MARCHF1: variants seen among roughly 807,000 people sequenced by gnomAD.
MARCHF1 encodes E3 ubiquitin-protein ligase MARCHF1.
MARCHF1 carries 40 observed loss-of-function variants against 54.2 expected under a neutral mutation model. The observed-to-expected ratio is 0.74, with a 90% confidence interval of 0.57 to 0.96. The LOEUF is 0.96. Ranked by LOEUF, MARCHF1 falls within the 40% of genes least tolerant of loss-of-function variation. MARCHF1 has a pLI of 0.00. For missense variants in MARCHF1, 586 were observed against 656.5 expected, an observed-to-expected ratio of 0.89 and a Z score of 1.17; for synonymous variants, 236 against 236.3, an observed-to-expected ratio of 1.00 and a Z score of 0.01.
chr4:163,755,576 G>T (rs1360779497), intron 4 of MARCHF1, among the ~76,000 whole-genome samples: 2 of 150,922 alleles, frequency 1.3e-5, no homozygotes, highest in East Asian at 1.9e-4. Flanking sequence ...ATTTTGGACA[G>T]ATCATGCAGG....
chr4:164,251,400 G>A (rs1189184088), intron 1 of MARCHF1, among the ~76,000 whole-genome samples: 5 of 152,082 alleles, frequency 3.3e-5, no homozygotes, highest in African/African-American at 7.2e-5. Context: ...CAATGCTTGC[G>A]TGTAATGAAA....
intron 1 of MARCHF1, among the ~76,000 whole-genome samples, chr4:164,230,150 C>A (rs1231312155): frequency 1.3e-5 from 2 of 152,130 alleles, no homozygotes; most frequent in African/African-American, 4.8e-5. Flanking sequence ...AATCCCAGCA[C>A]TTTGGGAGGC....
At chr4:164,093,421 A>T (rs1437708109) in intron 2 of MARCHF1, among the ~76,000 whole-genome samples, 1 of 152,186 alleles carries the variant, frequency 6.6e-6, no homozygotes, top group Non-Finnish European at 1.5e-5. Flanking sequence ...GAATTTACAC[A>T]TGGACAGAAG....
At chr4:163,688,895 T>C (rs1036619717) in intron 5 of MARCHF1, among the ~76,000 whole-genome samples, 4 of 152,132 alleles carry the variant, frequency 2.6e-5, no homozygotes, top group African/African-American at 9.7e-5. Context: ...ATAAATGAAA[T>C]GGAATCAGTC....
At position 164,176,960 on chromosome 4, in the gene MARCHF1, CTCTCTCTCTCTCTCTCT is replaced by C. The variant is rs1372458033; in HGVS notation, c.-322-65315_-322-65299del. ...TTGTGCGCTCTCTCTCTCTCTCTCT[CTCTCTCTCTCTCTCTCT>C]CTCTATATATATATATATATATATA... On this transcript the variant is annotated intron_variant, in intron 1 of 9. Coordinates refer to ENST00000514618, the MANE Select transcript of MARCHF1 (RefSeq NM_001394959.1). Among the ~76,000 whole-genome samples the C allele has an allele frequency of 4.8e-4, 23 of 47,840 alleles. 1 individual carries two copies. Among genetic ancestry groups the C allele is most frequent in the South Asian group, 1.0e-3 (1 of 968 alleles). The allele number at this position is 47,840 out of a possible 152,430, so 31.4% of individuals were successfully genotyped here.
intron 2 of MARCHF1, among the ~76,000 whole-genome samples, chr4:164,038,047 T>A (rs1416780482): frequency 2.6e-5 from 4 of 152,202 alleles, no homozygotes; most frequent in African/African-American, 9.6e-5. Context: ...GTGATTAAAA[T>A]GTTCTGTGCC....
chr4:163,777,789 T>C (rs1478296636), intron 4 of MARCHF1, among the ~76,000 whole-genome samples: 1 of 152,176 alleles, frequency 6.6e-6, no homozygotes, highest in Non-Finnish European at 1.5e-5. Context: ...TTACATACAA[T>C]AAAATTGAGC....
At chr4:164,249,349 G>A (rs966261132) in intron 1 of MARCHF1, among the ~76,000 whole-genome samples, 1 of 152,036 alleles carries the variant, frequency 6.6e-6, no homozygotes, top group African/African-American at 2.4e-5. Flanking sequence ...TTTGATGTAT[G>A]GGAATGAAGA....
At chr4:163,818,818 A>G (rs143206047) in intron 4 of MARCHF1, among the ~76,000 whole-genome samples, 415 of 152,196 alleles carry the variant, frequency 2.7e-3, no homozygotes, top group African/African-American at 9.5e-3. Context: ...AAGACAGTAA[A>G]TTGCCATTGA....
chr4:163,625,182 G>A (rs1385981971), intron 5 of MARCHF1, among the ~76,000 whole-genome samples: 1 of 152,040 alleles, frequency 6.6e-6, no homozygotes, highest in African/African-American at 2.4e-5. Flanking sequence ...CATACTCTTG[G>A]AATTTCCCTC....
chr4:163,667,606 G>C (rs1387165142), intron 5 of MARCHF1, among the ~76,000 whole-genome samples: 1 of 151,836 alleles, frequency 6.6e-6, no homozygotes, highest in Admixed American at 6.6e-5. Flanking sequence ...TTATACCACT[G>C]CATAATGTCC....
intron 1 of MARCHF1, among the ~76,000 whole-genome samples, chr4:164,123,358 A>G (rs1041349156): frequency 1.3e-5 from 2 of 152,166 alleles, no homozygotes; most frequent in African/African-American, 2.4e-5. Flanking sequence ...AGAAAAATAA[A>G]TATTGTTAAA....
At chr4:163,865,367 A>T (rs1352907701) in intron 3 of MARCHF1, among the ~76,000 whole-genome samples, 1 of 151,888 alleles carries the variant, frequency 6.6e-6, no homozygotes, top group Non-Finnish European at 1.5e-5. Flanking sequence ...TTTCACATAG[A>T]TTTATTAAGA....
intron 3 of MARCHF1, among the ~76,000 whole-genome samples, chr4:163,918,915 C>T (rs967950760): frequency 1.3e-5 from 2 of 152,074 alleles, no homozygotes; most frequent in African/African-American, 4.8e-5. Context: ...GTTTGGTCTT[C>T]ATAGATACTC....
chr4:164,177,891 T>A (rs1194639448), intron 1 of MARCHF1, among the ~76,000 whole-genome samples: 2 of 152,086 alleles, frequency 1.3e-5, no homozygotes, highest in South Asian at 2.1e-4. Flanking sequence ...TACTTCTGCA[T>A]GTGTCAGATC....
intron 1 of MARCHF1, among the ~76,000 whole-genome samples, chr4:164,219,148 G>C (rs1235530838): frequency 6.6e-6 from 1 of 151,912 alleles, no homozygotes; most frequent in African/African-American, 2.4e-5. Flanking sequence ...CTCGGTTTGG[G>C]CATTCATCAA....
At chr4:163,758,389 T>A (rs1192371936) in intron 4 of MARCHF1, among the ~76,000 whole-genome samples, 1 of 152,204 alleles carries the variant, frequency 6.6e-6, no homozygotes, top group Admixed American at 6.5e-5. Context: ...ACATCCCAGA[T>A]CCAGTTCAAC....
At chr4:163,625,701 C>T (rs1579125113) in intron 5 of MARCHF1, among the ~76,000 whole-genome samples, 2 of 152,318 alleles carry the variant, frequency 1.3e-5, no homozygotes, top group Admixed American at 1.3e-4. Flanking sequence ...GAGGCTCTTT[C>T]TTTGGACTTC....
intron 1 of MARCHF1, among the ~76,000 whole-genome samples, chr4:164,233,152 T>C (rs1177180868): frequency 1.3e-5 from 2 of 152,168 alleles, no homozygotes; most frequent in African/African-American, 4.8e-5. Context: ...TATGTGTTTG[T>C]TGAATAAATA....
Sources: gnomAD v4.1 joint callset for allele counts (sites outside exome capture counted in the v4.1 genomes callset) on GRCh38, gnomAD v4.1.1 for gene constraint, MANE v1.5 for transcripts, NCBI Gene and HGNC (gene_info 2026-07-23, HGNC 2026-07-21) for gene names.